The following GALNS variants were observed in gnomAD, a reference collection of about 807,000 sequenced individuals.
GALNS encodes N-acetylgalactosamine-6-sulfatase.
Under a neutral mutation model 65.9 loss-of-function variants are expected in GALNS, and 65 were observed. The observed-to-expected ratio is 0.99, with a 90% CI of 0.81 to 1.21. The LOEUF is 1.21. GALNS is among the 50% of genes most tolerant of loss of function. The pLI is 0.00. For synonymous variants in GALNS, 346 were observed against 288.9 expected, an observed-to-expected ratio of 1.20 and a Z score of -2.00; for missense variants, 776 against 700.7, an observed-to-expected ratio of 1.11 and a Z score of -1.21.
chr16:88,849,918 C>G (rs772374422), intron 1 of GALNS, among the ~76,000 whole-genome samples: 2 of 152,220 alleles, frequency 1.3e-5, no homozygotes, highest in Non-Finnish European at 2.9e-5. Flanking sequence ...CACCTAGTCA[C>G]AGTGGGCGAA....
chr16:88,842,085 G>T, intron 2 of GALNS, 114 bp from the exon 3 acceptor site: 1 of 914,290 alleles, frequency 1.1e-6, no homozygotes, highest in Non-Finnish European at 1.8e-6. Context: ...GCACGCGCAG[G>T]TTTACAAGGG....
intron 11 of GALNS, among the ~76,000 whole-genome samples, chr16:88,824,420 C>T (rs1378651337): frequency 6.6e-6 from 1 of 152,112 alleles, no homozygotes; most frequent in Non-Finnish European, 1.5e-5. Flanking sequence ...AAGCAGGCCA[C>T]GTCTCTGTCG....
Position 88,837,674 on chromosome 16 carries a change from T to C in GALNS, c.514A>G (p.Asn172Asp), listed in dbSNP as rs746089579. 3 of 1,614,052 alleles carry C rather than the reference T, an allele frequency of 1.9e-6. No individual in the cohort carries two copies. The highest frequency in any genetic ancestry group is 2.2e-5 in the South Asian group (2 of 91,078). The change falls in exon 5 of 14, where the codon AAC (asparagine) becomes GAC (aspartate). Residue 172 changes from asparagine (N) to aspartate (D), a missense_variant. By Grantham distance (23) the Asn-to-Asp change is conservative (BLOSUM62 1). Transcript: ENST00000268695. ...SPNCHFGPYD[N>D]KARPNIPVYR... Reference sequence around the variant, plus strand: ...ACAGGGATGTTGGGCCTGGCCTTGTTGTCATAAGGTCCAAAGTGGCAGTTG... The same window carrying C: ...ACAGGGATGTTGGGCCTGGCCTTGTCGTCATAAGGTCCAAAGTGGCAGTTG...
At chr16:88,817,207 T>G in intron 13 of GALNS, 2 of 985,008 alleles carry the variant, frequency 2.0e-6, no homozygotes, top group Non-Finnish European at 2.4e-6. Context: ...GAAAAGCTGC[T>G]CCTGAGAGGC....
At chr16:88,828,679 A>G (rs1447298277) in intron 9 of GALNS, among the ~76,000 whole-genome samples, 2 of 152,236 alleles carry the variant, frequency 1.3e-5, no homozygotes, top group African/African-American at 4.8e-5. Context: ...GGCAGATGGC[A>G]AGGTTCCAAA....
At chr16:88,832,449 C>T (rs948841040) in intron 8 of GALNS, among the ~76,000 whole-genome samples, 1 of 152,214 alleles carries the variant, frequency 6.6e-6, no homozygotes, top group Admixed American at 6.5e-5. Flanking sequence ...TGTTCACAAG[C>T]CTCCCGGTGT....
At position 88,837,762 on chromosome 16, in the gene GALNS, A is replaced by G. The variant is rs754616917; in HGVS notation, c.426T>C (p.His142=). The G allele has an allele frequency of 3.4e-4, 542 of 1,613,862 alleles. 5 individuals are homozygous for G. The highest frequency in any genetic ancestry group is 5.9e-6 in the Non-Finnish European group (7 of 1,180,020). The change falls in exon 5 of 14, where the codon CAT becomes CAC. Residue 142 remains histidine, a synonymous_variant. Transcript: ENST00000268695. The stretch of plus-strand genomic sequence containing the variant: ...GGTGGAACTGGGGCCTGTGACCCAG[A>G]TGCCTGGAAACAGGAACCCAGGACA... ...GYVSKIVGKW[H]LGHRPQFHPL... is the part of the protein sequence containing the mutation.
rs946059980 is a variant in GALNS, at chr16:88,856,773, G to C, written c.105C>G (p.Leu35=). 3 of 1,544,136 alleles carry C rather than the reference G, an allele frequency of 1.9e-6. No individual in the cohort carries two copies. In the African/African-American group the frequency reaches 4.2e-5, roughly 22 times the overall value. Residue 35 remains leucine (L), a synonymous_variant, in exon 1 of 14, where the codon CTC becomes CTG. Coordinates refer to ENST00000268695, the MANE Select transcript of GALNS (RefSeq NM_000512.5). The part of the protein sequence containing the change: ...SGAPQPPNIL[L]LLMDDMGWGD... ...CCGCACTCACGTCGTCCATGAGCAG[G>C]AGCAGGATGTTGGGGGGCTGCGGGG... is the stretch of plus-strand genomic sequence containing the variant.
In GALNS at chr16:88,814,171, G is replaced by C. The variant is rs1181907320; in HGVS notation, c.*268C>G. 5.4e-6 allele frequency: 3 copies of C among 558,656 alleles called. No individual in the cohort carries two copies. The highest frequency in any genetic ancestry group is 9.7e-6 in the Non-Finnish European group (3 of 310,068). The allele number at this position is 558,656 out of a possible 1,614,324, so 34.6% of individuals were successfully genotyped here. On this transcript the variant is annotated 3_prime_UTR_variant, in exon 14 of 14. Transcript: ENST00000268695. ...TCTCAGATATTTGGGGTTCACAAAG[G>C]CGTGAGACGGCAGGGTCCTGAGGTC...
chr16:88,844,854 T>C (rs898683485), intron 1 of GALNS: 3 of 152,268 alleles, frequency 2.0e-5, no homozygotes, highest in African/African-American at 7.2e-5. Flanking sequence ...TTCAGCTTTG[T>C]GGGCCATATG....
chr16:88,849,459 A>AT (rs1003911590), intron 1 of GALNS, among the ~76,000 whole-genome samples: 18 of 151,664 alleles, frequency 1.2e-4, no homozygotes, highest in East Asian at 5.8e-4. Flanking sequence ...TAATTTTTGT[A>AT]TTTTTTTTAT....
intron 13 of GALNS, chr16:88,816,618 C>T (rs1909655139): frequency 1.0e-6 from 1 of 984,924 alleles, no homozygotes; most frequent in African/African-American, 1.8e-5. Flanking sequence ...GCCATCTGCC[C>T]TCCATGGTCC....
intron 1 of GALNS, among the ~76,000 whole-genome samples, chr16:88,846,361 G>A (rs1056099099): frequency 1.3e-5 from 2 of 152,276 alleles, no homozygotes; most frequent in South Asian, 2.1e-4. Context: ...AGAGGCGGGA[G>A]ACACACAGCC....
intron 1 of GALNS, among the ~76,000 whole-genome samples, chr16:88,853,251 C>CAAAA (rs34618279): frequency 1.5e-4 from 10 of 64,650 alleles, no homozygotes; most frequent in East Asian, 4.1e-4. Flanking sequence ...GACTCCATCT[C>CAAAA]AAAAAAAAAA....
chr16:88,841,882 C>A lies in GALNS; in HGVS notation c.319+15G>T, dbSNP rs777179922. On this transcript the variant is annotated intron_variant, in intron 3 of 13. Coordinates refer to ENST00000268695, the MANE Select transcript of GALNS (RefSeq NM_000512.5). ...TGCACCCCAAGGGTGTCCCTGGAGG[C>A]GGTGGGCAGCCTACCGTTTCTGGCA... 17 of 1,609,070 alleles carry A rather than the reference C, an allele frequency of 1.1e-5. No individual in the cohort carries two copies. Among genetic ancestry groups the A allele is most frequent in the African/African-American group, 5.3e-5 (4 of 74,856 alleles).
intron 8 of GALNS, among the ~76,000 whole-genome samples, chr16:88,834,310 G>C (rs1448651138): frequency 6.8e-6 from 1 of 146,888 alleles, no homozygotes; most frequent in Non-Finnish European, 1.5e-5. Context: ...TCTGGGACGA[G>C]GCTGTAGGGC....
chr16:88,822,045 T>C (rs1910280363), intron 12 of GALNS, among the ~76,000 whole-genome samples: 1 of 151,968 alleles, frequency 6.6e-6, no homozygotes, highest in Admixed American at 6.5e-5. Context: ...GGGGCCTCTG[T>C]GTCGCCCCTA....
intron 4 of GALNS, among the ~76,000 whole-genome samples, chr16:88,840,126 C>T (rs780650470): frequency 1.3e-5 from 2 of 152,188 alleles, no homozygotes; most frequent in Non-Finnish European, 2.9e-5. Context: ...GAGCTCAGCT[C>T]GGCAGGCTGC....
chr16:88,822,014 C>T (rs941108847), intron 12 of GALNS, among the ~76,000 whole-genome samples: 15 of 152,074 alleles, frequency 9.9e-5, no homozygotes, highest in South Asian at 8.3e-4. Flanking sequence ...GAAGCCAGGG[C>T]GGGGTCTCCA....
Sources: allele counts gnomAD v4.1 joint callset (sites outside exome capture counted in the v4.1 genomes callset), GRCh38; gene constraint gnomAD v4.1.1; transcripts MANE v1.5; gene names NCBI Gene and HGNC (gene_info 2026-07-23, HGNC 2026-07-21).